The following SPTLC3 variants were observed in gnomAD, a reference collection of about 807,000 sequenced individuals.
The protein encoded by SPTLC3 is serine palmitoyltransferase long chain base subunit 3.
A neutral mutation model predicts 59.3 loss-of-function variants in SPTLC3; 36 were observed. The ratio of observed to expected loss-of-function variants is 0.61; its 90% CI spans 0.47 to 0.80. The LOEUF is 0.80. Among genes scored for constraint, SPTLC3 ranks in the 30% least tolerant of loss-of-function variants. The probability of loss-of-function intolerance (pLI) is 0.00; values close to 1 mark genes in which losing one functional copy is unlikely to be tolerated. For missense variants in SPTLC3, 625 were observed against 685.1 expected (o/e 0.91, Z 0.98); for synonymous variants, 257 against 240.8 (o/e 1.07, Z -0.62).
At chr20:13,154,725 TG>T (rs1231334386) in intron 10 of SPTLC3, among the ~76,000 whole-genome samples, 2 of 152,170 alleles carry the variant, frequency 1.3e-5, no homozygotes, top group Non-Finnish European at 2.9e-5. Flanking sequence ...TGAACCTGTT[TG>T]GGGGTTGTTT....
At chr20:13,028,291 T>G (rs567758261) in intron 1 of SPTLC3, among the ~76,000 whole-genome samples, 1 of 152,320 alleles carries the variant, frequency 6.6e-6, no homozygotes, top group African/African-American at 2.4e-5. Flanking sequence ...GAAGTTTCTG[T>G]TCACAAAGTG....
intron 2 of SPTLC3, among the ~76,000 whole-genome samples, chr20:13,055,198 G>A (rs774708512): frequency 5.3e-5 from 8 of 151,860 alleles, no homozygotes; most frequent in Non-Finnish European, 1.0e-4. Context: ...TGGTTCTGTT[G>A]GCAAAATGGT....
chr20:13,080,886 A>G (rs2122594517), intron 4 of SPTLC3, among the ~76,000 whole-genome samples: 1 of 152,320 alleles, frequency 6.6e-6, no homozygotes. Context: ...GGAAACAAGT[A>G]TGTTTCTAAC....
chr20:13,137,660 A>G (rs113037268), intron 9 of SPTLC3, among the ~76,000 whole-genome samples: 1 of 152,170 alleles, frequency 6.6e-6, no homozygotes, highest in African/African-American at 2.4e-5. Context: ...TATTCTGTTC[A>G]TTGAAGTAGT....
chr20:13,093,589 T>C lies in SPTLC3; in HGVS notation c.826+12T>C, dbSNP rs145113034. 1,007 of 1,610,266 alleles carry C rather than the reference T, an allele frequency of 6.3e-4. 12 individuals carry two copies. The East Asian group carries it at 0.018, about 29-fold the overall frequency. ...CTTCAAACACAACAGTGAGTATCAG[T>C]GTATTTTCTCAACATGTACTGGATT... On this transcript the variant is annotated intron_variant, in intron 6 of 11. Coordinates refer to ENST00000399002, the MANE Select transcript of SPTLC3 (RefSeq NM_018327.4).
chr20:13,117,544 C>G lies in SPTLC3; in HGVS notation c.971C>G (p.Ala324Gly), dbSNP rs1336906062. The change falls in exon 8 of 12, where the codon GCT becomes GGT. Residue 324 changes from alanine to glycine, a missense_variant. Transcript: ENST00000399002. ...GSIVHLPQII[A>G]LKKKYKAYLY... ...ATCGTGCATCTGCCCCAGATCATAGCTCTAAAGAAGAAATACAAGGCTTAC... is the reference window on the plus strand; with the variant it reads ...ATCGTGCATCTGCCCCAGATCATAGGTCTAAAGAAGAAATACAAGGCTTAC... 2 of 1,609,942 alleles carry G rather than the reference C, an allele frequency of 1.2e-6. No homozygotes were observed. Among genetic ancestry groups the G allele is most frequent in the African/African-American group, 1.3e-5 (1 of 74,714 alleles).
At chr20:13,112,200 A>C (rs1990270962) in intron 7 of SPTLC3, among the ~76,000 whole-genome samples, 2 of 152,214 alleles carry the variant, frequency 1.3e-5, no homozygotes, top group South Asian at 4.1e-4. Context: ...GAGGCCTCTC[A>C]TGGAGGCCAC....
chr20:13,137,475 AATAT>A (rs988504740), intron 9 of SPTLC3, among the ~76,000 whole-genome samples: 208 of 152,134 alleles, frequency 1.4e-3, no homozygotes, highest in African/African-American at 4.8e-3. Flanking sequence ...ATGGTGTTAT[AATAT>A]ATATATTAAT....
chr20:13,033,722 T>C (rs1299473837), intron 1 of SPTLC3, among the ~76,000 whole-genome samples: 2 of 152,226 alleles, frequency 1.3e-5, no homozygotes, highest in East Asian at 3.8e-4. Context: ...ATCTTTTATT[T>C]TCTGTTCTTT....
intron 11 of SPTLC3, among the ~76,000 whole-genome samples, chr20:13,163,342 T>G (rs1384262162): frequency 7.6e-6 from 1 of 130,858 alleles, no homozygotes; most frequent in Non-Finnish European, 1.5e-5. Context: ...CACTCCAGCC[T>G]GGGCAACAGA....
chr20:13,153,594 A>AG (rs1031203608), intron 9 of SPTLC3, among the ~76,000 whole-genome samples: 6 of 152,180 alleles, frequency 3.9e-5, no homozygotes, highest in African/African-American at 1.4e-4. Context: ...TTAGCTAAAA[A>AG]GCATCTACCA....
intron 9 of SPTLC3, among the ~76,000 whole-genome samples, chr20:13,137,905 G>A (rs1239404330): frequency 2.0e-5 from 3 of 152,090 alleles, no homozygotes; most frequent in Non-Finnish European, 4.4e-5. Context: ...GTCCCCCTGA[G>A]CTTTCTGCTA....
chr20:13,106,254 A>G (rs2122679783), intron 6 of SPTLC3, among the ~76,000 whole-genome samples: 1 of 152,324 alleles, frequency 6.6e-6, no homozygotes, highest in South Asian at 2.1e-4. Flanking sequence ...GGAAAAGAAC[A>G]TTGATGCAAT....
At chr20:13,101,010 G>C (rs1251885001) in intron 6 of SPTLC3, among the ~76,000 whole-genome samples, 1 of 140,866 alleles carries the variant, frequency 7.1e-6, no homozygotes, top group Non-Finnish European at 1.6e-5. Flanking sequence ...AGGTGACCAG[G>C]GCACAGGAAG....
In SPTLC3 at chr20:13,053,159, G is replaced by A. The variant is rs139703778; in HGVS notation, c.303+4029G>A. 2.9e-3 allele frequency among the ~76,000 whole-genome samples: 435 copies of A among 152,256 alleles called. 1 individual carries two copies. Among genetic ancestry groups the A allele is most frequent in the African/African-American group, 9.9e-3 (413 of 41,558 alleles). ...TACAGGAGAGCTCCGGCTGGCATCT[G>A]GTGGGTGGCCCTCTGGGATGAAGCT... On this transcript the variant is annotated intron_variant, in intron 2 of 11. Transcript: ENST00000399002.
intron 10 of SPTLC3, among the ~76,000 whole-genome samples, chr20:13,156,993 T>C (rs1182159317): frequency 1.3e-5 from 2 of 152,236 alleles, no homozygotes; most frequent in East Asian, 3.8e-4. Flanking sequence ...TCTTGTTTCT[T>C]TCAACTTAAG....
At position 13,122,994 on chromosome 20, in the gene SPTLC3, G is replaced by A. The variant is rs368259141; in HGVS notation, c.1153-3597G>A. ...TTTTATATTTTGGTCCCTTCCTCCC[G>A]CCCCATGCTCCCAGTTCTAAGAATC... On this transcript the variant is annotated intron_variant, in intron 8 of 11. Coordinates refer to ENST00000399002, the MANE Select transcript of SPTLC3 (RefSeq NM_018327.4). Among the ~76,000 whole-genome samples the A allele has an allele frequency of 1.3e-4, 20 of 152,144 alleles. No individual in the cohort carries two copies. The Middle Eastern group carries it at 0.01, about 78-fold the overall frequency.
intron 4 of SPTLC3, among the ~76,000 whole-genome samples, chr20:13,088,491 C>T (rs1029386928): frequency 6.6e-5 from 10 of 151,928 alleles, no homozygotes; most frequent in East Asian, 3.9e-4. Context: ...CCCGCCACCA[C>T]GCCCAGCTAA....
intron 9 of SPTLC3, among the ~76,000 whole-genome samples, chr20:13,129,250 C>T (rs574113367): frequency 2.6e-5 from 4 of 152,280 alleles, no homozygotes; most frequent in African/African-American, 9.6e-5. Context: ...GATTTGCCCA[C>T]CCCAGGCTCC....
Sources: allele counts gnomAD v4.1 joint callset (sites outside exome capture counted in the v4.1 genomes callset), GRCh38; gene constraint gnomAD v4.1.1; transcripts MANE v1.5; gene names NCBI Gene and HGNC (gene_info 2026-07-23, HGNC 2026-07-21).